Variants in HS3ST3A1 observed in about 807,000 individuals in gnomAD.
HS3ST3A1 encodes the protein heparan sulfate glucosamine 3-O-sulfotransferase 3A1.
In HS3ST3A1, 19 loss-of-function variants were observed where a neutral mutation model predicts 25.7. That is an observed-to-expected ratio of 0.74 (90% CI 0.52 to 1.08). HS3ST3A1 has a LOEUF of 1.08. Ranked by LOEUF, HS3ST3A1 falls within the 50% of genes least tolerant of loss-of-function variation. The pLI is 0.00. For missense variants in HS3ST3A1, 459 were observed against 594.3 expected, an observed-to-expected ratio of 0.77 and a Z score of 2.37; for synonymous variants, 226 against 278.6, an observed-to-expected ratio of 0.81 and a Z score of 1.88.
In HS3ST3A1 at chr17:13,513,056, G is replaced by C. The variant is rs150317697; in HGVS notation, c.600-16238C>G. Among the ~76,000 whole-genome samples the C allele has an allele frequency of 3.5e-3, 540 of 152,284 alleles. 3 individuals carry two copies. The highest frequency in any genetic ancestry group is 0.012 in the African/African-American group (502 of 41,564). Reference sequence around the variant, plus strand: ...TAACTTTTTAAATGTTCAGACATAGGGTATGCGGGCCTTCATTCAGGGACC... The same window carrying C: ...TAACTTTTTAAATGTTCAGACATAGCGTATGCGGGCCTTCATTCAGGGACC... On this transcript the variant is annotated intron_variant, in intron 1 of 1. Transcript: ENST00000284110.
intron 1 of HS3ST3A1, among the ~76,000 whole-genome samples, chr17:13,512,557 G>A (rs1253195594): frequency 6.6e-6 from 1 of 152,114 alleles, no homozygotes; most frequent in Non-Finnish European, 1.5e-5. Flanking sequence ...ATTTGCAAAT[G>A]TATCCTCTCG....
chr17:13,509,362 T>C (rs1598409037), intron 1 of HS3ST3A1, among the ~76,000 whole-genome samples: 1 of 151,990 alleles, frequency 6.6e-6, no homozygotes, highest in East Asian at 1.9e-4. Flanking sequence ...GAACAATAAA[T>C]AGAGAAAAAT....
chr17:13,548,258 G>C (rs1412320792), intron 1 of HS3ST3A1, among the ~76,000 whole-genome samples: 1 of 152,142 alleles, frequency 6.6e-6, no homozygotes, highest in African/African-American at 2.4e-5. Context: ...CATCTAGTGA[G>C]GGCTCTCTCC....
intron 1 of HS3ST3A1, among the ~76,000 whole-genome samples, chr17:13,511,395 G>GTAGT (rs1905856338): frequency 6.6e-6 from 1 of 152,112 alleles, no homozygotes; most frequent in South Asian, 2.1e-4. Flanking sequence ...GGTGAGGGAA[G>GTAGT]TAGTTAGCTA....
chr17:13,565,544 A>C (rs1391944794), intron 1 of HS3ST3A1, among the ~76,000 whole-genome samples: 1 of 69,182 alleles, frequency 1.4e-5, no homozygotes, highest in Non-Finnish European at 4.9e-5. Context: ...AAAAATAAAT[A>C]AGTAAGTAAA....
At chr17:13,538,267 A>C (rs1906826984) in intron 1 of HS3ST3A1, among the ~76,000 whole-genome samples, 1 of 152,140 alleles carries the variant, frequency 6.6e-6, no homozygotes. Context: ...CTTTTTTTGC[A>C]GACAAATTTA....
intron 1 of HS3ST3A1, among the ~76,000 whole-genome samples, chr17:13,582,036 C>T (rs1291832175): frequency 1.3e-5 from 2 of 151,946 alleles, no homozygotes; most frequent in Non-Finnish European, 2.9e-5. Context: ...TTGACTTAAG[C>T]AAACAGACAC....
intron 1 of HS3ST3A1, among the ~76,000 whole-genome samples, chr17:13,505,943 C>T (rs528338107): frequency 2.7e-5 from 4 of 149,796 alleles, no homozygotes; most frequent in African/African-American, 9.8e-5. Flanking sequence ...GAATGAATCA[C>T]TTGAACCCGG....
chr17:13,600,829 G>A lies in HS3ST3A1; in HGVS notation c.301C>T (p.Pro101Ser). 7.1e-7 allele frequency: 1 copy of A among 1,414,946 alleles called. No homozygotes were observed. The highest frequency in any genetic ancestry group is 3.5e-5 in the Admixed American group (1 of 28,370). The allele number at this position is 1,414,946 out of a possible 1,614,324, so 87.6% of individuals were successfully genotyped here. A position where few individuals can be genotyped will look rare whatever the true frequency, so the allele number is the denominator to read the frequency against. Reference protein sequence around the residue: ...LQLPQWRRRRPPAPRDDGEEA... With the variant: ...LQLPQWRRRRSPAPRDDGEEA... ...TCGCCGTCGTCGCGGGGCGCGGGCG[G>A]CCGGCGCCTCCGCCACTGCGGCAGT... is the stretch of plus-strand genomic sequence containing the variant. The change falls in exon 1 of 2, where the codon CCG becomes TCG. Residue 101 changes from proline (P) to serine (S), a missense_variant. Physicochemically the swap from Pro to Ser is moderately conservative, Grantham distance 74. Coordinates refer to ENST00000284110, the MANE Select transcript of HS3ST3A1 (RefSeq NM_006042.3).
At chr17:13,515,843 T>C (rs2142312333) in intron 1 of HS3ST3A1, among the ~76,000 whole-genome samples, 1 of 152,288 alleles carries the variant, frequency 6.6e-6, no homozygotes, top group East Asian at 1.9e-4. Context: ...GCCATTCTAA[T>C]AGTTGTGTGG....
At chr17:13,576,385 G>A (rs144846332) in intron 1 of HS3ST3A1, among the ~76,000 whole-genome samples, 2 of 152,296 alleles carry the variant, frequency 1.3e-5, no homozygotes, top group African/African-American at 4.8e-5. Context: ...CTTGCCATGT[G>A]GGCCTCTCCA....
intron 1 of HS3ST3A1, among the ~76,000 whole-genome samples, chr17:13,498,496 C>G (rs1021535696): frequency 2.6e-5 from 4 of 152,204 alleles, no homozygotes; most frequent in Non-Finnish European, 5.9e-5. Flanking sequence ...AAACATTACT[C>G]TAACTTTCCT....
chr17:13,560,923 A>G (rs1400143133), intron 1 of HS3ST3A1, among the ~76,000 whole-genome samples: 1 of 152,242 alleles, frequency 6.6e-6, no homozygotes, highest in Non-Finnish European at 1.5e-5. Context: ...AATACTGTAC[A>G]GCAAAGCACA....
chr17:13,597,415 T>C (rs1908607022), intron 1 of HS3ST3A1, among the ~76,000 whole-genome samples: 1 of 152,124 alleles, frequency 6.6e-6, no homozygotes, highest in Non-Finnish European at 1.5e-5. Context: ...CTCAATGTTT[T>C]GAAGCTAAGG....
chr17:13,565,932 A>T (rs2142369240), intron 1 of HS3ST3A1, among the ~76,000 whole-genome samples: 1 of 152,262 alleles, frequency 6.6e-6, no homozygotes, highest in African/African-American at 2.4e-5. Flanking sequence ...TTACAGTTCC[A>T]TCTTTTTATC....
intron 1 of HS3ST3A1, among the ~76,000 whole-genome samples, chr17:13,586,000 T>G (rs542122499): frequency 6.6e-6 from 1 of 151,644 alleles, no homozygotes; most frequent in African/African-American, 2.4e-5. Context: ...GGGCGCGGAC[T>G]ACCAAGCCCG....
intron 1 of HS3ST3A1, among the ~76,000 whole-genome samples, chr17:13,566,632 G>A (rs1278331898): frequency 6.6e-6 from 1 of 152,246 alleles, no homozygotes; most frequent in Non-Finnish European, 1.5e-5. Context: ...GGAAACAAAC[G>A]TGCTACTCCA....
chr17:13,522,414 T>A (rs923419554), intron 1 of HS3ST3A1, among the ~76,000 whole-genome samples: 23 of 152,332 alleles, frequency 1.5e-4, no homozygotes, highest in African/African-American at 5.5e-4. Flanking sequence ...TTTCAACAAC[T>A]AATGGGCACT....
chr17:13,525,307 A>T (rs1042404735), intron 1 of HS3ST3A1, among the ~76,000 whole-genome samples: 2 of 152,116 alleles, frequency 1.3e-5, no homozygotes, highest in Non-Finnish European at 2.9e-5. Context: ...GTTAAAAATT[A>T]TTGTCCTAAT....
Sources: allele counts gnomAD v4.1 joint callset (sites outside exome capture counted in the v4.1 genomes callset), GRCh38; gene constraint gnomAD v4.1.1; transcripts MANE v1.5; gene names NCBI Gene and HGNC (gene_info 2026-07-23, HGNC 2026-07-21).